EEPD1: variants seen among roughly 807,000 people sequenced by gnomAD.
EEPD1 encodes the protein endonuclease/exonuclease/phosphatase family domain containing 1, also known as endonuclease/exonuclease/phosphatase family domain-containing protein 1.
A neutral mutation model predicts 46.3 loss-of-function variants in EEPD1; 17 were observed. The ratio of observed to expected loss-of-function variants is 0.37; its 90% CI spans 0.25 to 0.55. EEPD1 has a LOEUF of 0.55. EEPD1 is among the 20% of genes least tolerant of loss of function. The pLI is 0.83. For synonymous variants in EEPD1, 313 were observed against 315.6 expected (o/e 0.99, Z 0.09); for missense variants, 673 against 745.6 (o/e 0.90, Z 1.13).
chr7:36,281,150 CAT>C lies in EEPD1; in HGVS notation c.967_968del (p.Ile323ProfsTer16). 6.2e-7 allele frequency: 1 copy of C among 1,614,202 alleles called. No individual in the cohort carries two copies. Among genetic ancestry groups the C allele is most frequent in the Non-Finnish European group, 8.5e-7 (1 of 1,180,046 alleles). ...TELNQPTLPN[I>X]RKWKGPRGCW... ...AGCTAAACCAGCCGACCCTGCCCAA[CAT>C]CCGCAAGTGGAAGGGGCCCCGGGGA... is the stretch of plus-strand genomic sequence containing the variant. On this transcript the variant is annotated frameshift_variant, in exon 4 of 8. Coordinates refer to ENST00000242108, the MANE Select transcript of EEPD1 (RefSeq NM_030636.3). LOFTEE classifies it high-confidence loss of function.
chr7:36,170,164 C>T (rs1785052487), intron 2 of EEPD1, among the ~76,000 whole-genome samples: 1 of 152,130 alleles, frequency 6.6e-6, no homozygotes, highest in South Asian at 2.1e-4. Flanking sequence ...CAGCACTTTG[C>T]GAGGCCGAGG....
chr7:36,179,903 C>A (rs937286385), intron 2 of EEPD1, among the ~76,000 whole-genome samples: 3 of 152,116 alleles, frequency 2.0e-5, no homozygotes, highest in African/African-American at 7.2e-5. Context: ...TTACCTGAGT[C>A]ACCCGAGGAG....
chr7:36,229,195 T>C (rs1255509257), intron 2 of EEPD1: 1 of 152,356 alleles, frequency 6.6e-6, no homozygotes, highest in Non-Finnish European at 1.5e-5. Context: ...GGCTCTTCAA[T>C]TTAGGGTCTT....
intron 2 of EEPD1, among the ~76,000 whole-genome samples, chr7:36,165,476 A>G (rs1290919774): frequency 1.7e-4 from 21 of 123,314 alleles, no homozygotes; most frequent in Non-Finnish European, 2.9e-4. Flanking sequence ...CTGGAGTGCA[A>G]TGGAGCAATC....
chr7:36,156,968 A>T (rs563822850), intron 2 of EEPD1, among the ~76,000 whole-genome samples: 2 of 142,604 alleles, frequency 1.4e-5, no homozygotes, highest in Non-Finnish European at 3.1e-5. Flanking sequence ...CTGTAGATGG[A>T]AAATATTCAG....
chr7:36,219,775 AAGAGAG>A (rs752270283), intron 2 of EEPD1, among the ~76,000 whole-genome samples: 1,261 of 118,920 alleles, frequency 0.011, 19 homozygotes, highest in African/African-American at 0.035. Context: ...GAGAGAGAGA[AAGAGAG>A]AGAGAGAGAG....
At chr7:36,168,076 G>A (rs769264400) in intron 2 of EEPD1, among the ~76,000 whole-genome samples, 1 of 152,114 alleles carries the variant, frequency 6.6e-6, no homozygotes, top group Admixed American at 6.6e-5. Flanking sequence ...CCCCTGCCAC[G>A]ACCATCCCTC....
At chr7:36,258,469 T>C (rs1786861288) in intron 3 of EEPD1, among the ~76,000 whole-genome samples, 1 of 151,594 alleles carries the variant, frequency 6.6e-6, no homozygotes. Context: ...GAGATGGGAG[T>C]TTTATCTATA....
intron 3 of EEPD1, among the ~76,000 whole-genome samples, chr7:36,246,910 G>T (rs1041675439): frequency 3.9e-5 from 6 of 152,104 alleles, no homozygotes; most frequent in African/African-American, 1.4e-4. Flanking sequence ...TGGATCGCCT[G>T]AGGTCAGGAG....
intron 6 of EEPD1, among the ~76,000 whole-genome samples, chr7:36,294,468 G>A (rs887813886): frequency 1.3e-5 from 2 of 152,108 alleles, no homozygotes; most frequent in Non-Finnish European, 2.9e-5. Context: ...GTAAATTCTA[G>A]GCAAGCTAAA....
intron 2 of EEPD1, among the ~76,000 whole-genome samples, chr7:36,237,177 G>A (rs997896486): frequency 6.6e-6 from 1 of 152,102 alleles, no homozygotes; most frequent in Non-Finnish European, 1.5e-5. Context: ...GCGAAACCAC[G>A]AACCCACCAT....
intron 2 of EEPD1, among the ~76,000 whole-genome samples, chr7:36,188,313 T>C (rs1278557238): frequency 6.6e-6 from 1 of 152,194 alleles, no homozygotes; most frequent in Non-Finnish European, 1.5e-5. Flanking sequence ...TTGTATTTGA[T>C]GATGAAGCCA....
intron 3 of EEPD1, among the ~76,000 whole-genome samples, chr7:36,249,488 A>G (rs926027999): frequency 1.3e-5 from 2 of 152,330 alleles, no homozygotes; most frequent in African/African-American, 4.8e-5. Flanking sequence ...ATAACTATGA[A>G]TAAGTGGGAG....
intron 2 of EEPD1, among the ~76,000 whole-genome samples, chr7:36,177,017 G>A (rs1034775899): frequency 1.3e-5 from 2 of 152,160 alleles, no homozygotes; most frequent in Non-Finnish European, 2.9e-5. Context: ...GGTTGGGGCC[G>A]GGGCTGGGAA....
intron 2 of EEPD1, among the ~76,000 whole-genome samples, chr7:36,234,919 C>T (rs1161995310): frequency 2.0e-5 from 3 of 149,642 alleles, no homozygotes; most frequent in Non-Finnish European, 4.5e-5. Flanking sequence ...CCCACAGCCT[C>T]CAGCCCAGGC....
At chr7:36,196,865 G>C (rs1785605726) in intron 2 of EEPD1, among the ~76,000 whole-genome samples, 1 of 151,474 alleles carries the variant, frequency 6.6e-6, no homozygotes, top group Non-Finnish European at 1.5e-5. Flanking sequence ...GTCTCTGCCT[G>C]GCCGCCCATC....
chr7:36,175,122 C>G (rs1432112048), intron 2 of EEPD1, among the ~76,000 whole-genome samples: 1 of 152,228 alleles, frequency 6.6e-6, no homozygotes, highest in Non-Finnish European at 1.5e-5. Context: ...GTGATTGGCA[C>G]AAGACTAGGT....
In EEPD1 at chr7:36,225,681, A is replaced by C. The variant is rs1420277483; in HGVS notation, c.879-13304A>C. Among the ~76,000 whole-genome samples the C allele has an allele frequency of 2.0e-5, 3 of 152,222 alleles. No individual in the cohort carries two copies. The highest frequency in any genetic ancestry group is 7.2e-5 in the African/African-American group (3 of 41,446). On this transcript the variant is annotated intron_variant, in intron 2 of 7. Coordinates refer to ENST00000242108, the MANE Select transcript of EEPD1 (RefSeq NM_030636.3). The surrounding 1 kb of genome is among the most constrained non-coding windows in gnomAD (Gnocchi z 4.2). ...AGATTAAAACATCTGGGAATTAAAA[A>C]AAAATTTGGCTCTATTCCCAGGCCC...
chr7:36,272,078 T>C (rs1408497852), intron 3 of EEPD1, among the ~76,000 whole-genome samples: 1 of 151,890 alleles, frequency 6.6e-6, no homozygotes, highest in Non-Finnish European at 1.5e-5. Flanking sequence ...AGACAGGGTT[T>C]CACCATGTTG....
Sources: gnomAD v4.1 joint callset for allele counts (sites outside exome capture counted in the v4.1 genomes callset) on GRCh38, gnomAD v4.1.1 for gene constraint, Gnocchi (gnomAD v3.1) non-coding constraint, MANE v1.5 for transcripts, NCBI Gene and HGNC (gene_info 2026-07-23, HGNC 2026-07-21) for gene names.